Variants in SDK2 observed in about 807,000 individuals in gnomAD.
SDK2 encodes the protein protein sidekick-2.
Under a neutral mutation model 253.9 loss-of-function variants are expected in SDK2, and 105 were observed. That is an observed-to-expected ratio of 0.41 (90% confidence interval 0.35 to 0.49). SDK2 has a LOEUF of 0.49. SDK2 is among the 20% of genes least tolerant of loss of function. The pLI is 0.06. For synonymous variants in SDK2, 1,249 were observed against 1,234.9 expected (o/e 1.01, Z -0.24); for missense variants, 2,608 against 3,003.0 (o/e 0.87, Z 3.07).
rs1568393171 is a variant in SDK2, at chr17:73,417,448, CG to C, written c.2187-1457del. Among the ~76,000 whole-genome samples, 4 of 152,002 alleles carry C rather than the reference CG, an allele frequency of 2.6e-5. No homozygotes were observed. The South Asian group carries it at 8.3e-4, about 32-fold the overall frequency. ...AATAAATTATACATGGATTATCAAC[CG>C]TGAGGGGGTGAGCACCCCTAGCCCC... On this transcript the variant is annotated intron_variant, in intron 16 of 44. Coordinates refer to ENST00000392650, the MANE Select transcript of SDK2 (RefSeq NM_001144952.2).
At chr17:73,613,817 GA>G (rs55670457) in intron 1 of SDK2, among the ~76,000 whole-genome samples, 23,163 of 152,142 alleles carry the variant, frequency 0.15, 1,840 homozygotes, top group South Asian at 0.25. Context: ...GAGCCGTGGA[GA>G]GGGGCCTCTC....
At position 73,447,571 on chromosome 17, in the gene SDK2, T is replaced by G. The variant is rs1383818886; in HGVS notation, c.613+44A>C. Reference sequence around the variant, plus strand: ...CCCCTGGAGCACCATTGCTAAGATTTAATGGCCCGCTCCAAGATCGGTCCC... The same window carrying G: ...CCCCTGGAGCACCATTGCTAAGATTGAATGGCCCGCTCCAAGATCGGTCCC... On this transcript the variant is annotated intron_variant, in intron 5 of 44. Transcript: ENST00000392650. The surrounding 1 kb of genome is among the most constrained non-coding windows in gnomAD (Gnocchi z 4.0). 6 of 1,549,512 alleles carry G rather than the reference T, an allele frequency of 3.9e-6. No individual in the cohort carries two copies. Among genetic ancestry groups the G allele is most frequent in the Non-Finnish European group, 3.5e-6 (4 of 1,145,244 alleles).
At chr17:73,513,875 T>C (rs2064001070) in intron 1 of SDK2, 1 of 152,220 alleles carries the variant, frequency 6.6e-6, no homozygotes, top group Admixed American at 6.5e-5. Context: ...TAGAAGCTTT[T>C]CTTCTTCAAG....
intron 1 of SDK2, among the ~76,000 whole-genome samples, chr17:73,593,985 C>T (rs1348616079): frequency 6.6e-6 from 1 of 152,234 alleles, no homozygotes; most frequent in Admixed American, 6.5e-5. Context: ...CCCCATGTAA[C>T]AGAAGGGAAA....
intron 16 of SDK2, 88 bp from the exon 17 acceptor site, chr17:73,416,080 T>C (rs916088523): frequency 8.0e-7 from 1 of 1,256,322 alleles, no homozygotes; most frequent in Non-Finnish European, 1.1e-6. Context: ...CGCTGTCCAA[T>C]AGGACTTCCG....
chr17:73,391,395 C>G lies in SDK2; in HGVS notation c.3997+45G>C, dbSNP rs754475055. 3.4e-6 allele frequency: 4 copies of G among 1,166,484 alleles called. No individual in the cohort carries two copies. The South Asian group carries it at 1.7e-4, about 48-fold the overall frequency. 72.3% of individuals were successfully genotyped at this position (1,166,484 alleles called of 1,614,324 possible). On this transcript the variant is annotated intron_variant, in intron 28 of 44. Coordinates refer to ENST00000392650, the MANE Select transcript of SDK2 (RefSeq NM_001144952.2). The stretch of plus-strand genomic sequence containing the variant: ...GTGGCCTCCTTTGCAGCTCATGCCT[C>G]TTCCTTCTTCCTGCAGCCGGGGCAC...
Position 73,398,181 on chromosome 17 carries a change from G to A in SDK2, c.3208C>T (p.Arg1070Cys). ...CCCACGATGTTCACCTGGCGCATGC[G>A]GAAGCTGGGGTTGGGGAGAGATGAG... Reference protein sequence around the residue: ...DLNPFTCYSFRMRQVNIVGTS... With the variant: ...DLNPFTCYSFCMRQVNIVGTS... The change falls in exon 24 of 45, where the codon CGC becomes TGC. Residue 1070 changes from arginine to cysteine, a missense_variant. Arg to Cys is a radical substitution (Grantham distance 180). This residue lies in a region of SDK2 where 1,505 missense variants were observed against 1,859.1 expected (regional missense o/e 0.81). Coordinates refer to ENST00000392650, the MANE Select transcript of SDK2 (RefSeq NM_001144952.2). 3.1e-6 allele frequency: 5 copies of A among 1,611,592 alleles called. No homozygotes were observed. The highest frequency in any genetic ancestry group is 1.3e-5 in the African/African-American group (1 of 75,042).
intron 38 of SDK2, among the ~76,000 whole-genome samples, chr17:73,363,605 G>A (rs2062659328): frequency 6.6e-6 from 1 of 152,142 alleles, no homozygotes; most frequent in South Asian, 2.1e-4. Context: ...TGTGGACACT[G>A]GGCTGTCCAG....
intron 18 of SDK2, among the ~76,000 whole-genome samples, chr17:73,405,504 ATATATAT>A (rs2063068128): frequency 4.5e-5 from 4 of 88,794 alleles, no homozygotes; most frequent in South Asian, 4.3e-4. Flanking sequence ...ATATATATAT[ATATATAT>A]ATATATAAAG....
At chr17:73,375,298 G>C (rs1021260264) in intron 36 of SDK2, among the ~76,000 whole-genome samples, 2 of 120,094 alleles carry the variant, frequency 1.7e-5, no homozygotes, top group Admixed American at 1.1e-4. Flanking sequence ...CTGGAGTGCA[G>C]TGGTGCAACA....
chr17:73,563,580 T>TA (rs919291937), intron 1 of SDK2, among the ~76,000 whole-genome samples: 6 of 151,866 alleles, frequency 4.0e-5, no homozygotes, highest in East Asian at 1.9e-4. Context: ...CTCTGTCTCT[T>TA]AAAAAAAAAT....
chr17:73,576,895 GA>G (rs1394392978), intron 1 of SDK2, among the ~76,000 whole-genome samples: 4 of 152,216 alleles, frequency 2.6e-5, no homozygotes, highest in Non-Finnish European at 4.4e-5. Flanking sequence ...GCAATTCTGA[GA>G]ACAAGCCCTG....
intron 1 of SDK2, chr17:73,518,574 C>T (rs917405900): frequency 6.6e-6 from 1 of 152,176 alleles, no homozygotes; most frequent in Non-Finnish European, 1.5e-5. Flanking sequence ...AGACGGTTCT[C>T]ATTTCCAATA....
chr17:73,461,421 C>T (rs1033898537), intron 3 of SDK2, among the ~76,000 whole-genome samples: 24 of 152,228 alleles, frequency 1.6e-4, no homozygotes, highest in African/African-American at 5.3e-4. Context: ...GAATGAGGTT[C>T]TTCAGGAGAG....
At chr17:73,417,425 T>G (rs1455239675) in intron 16 of SDK2, among the ~76,000 whole-genome samples, 1 of 148,416 alleles carries the variant, frequency 6.7e-6, no homozygotes, top group Non-Finnish European at 1.5e-5. Context: ...AAAAAGAAAA[T>G]AAATTATACA....
intron 1 of SDK2, among the ~76,000 whole-genome samples, chr17:73,574,478 C>T (rs1014139020): frequency 1.3e-5 from 2 of 152,178 alleles, no homozygotes; most frequent in African/African-American, 2.4e-5. Context: ...GCTGATCAGC[C>T]TTATTAGTTT....
chr17:73,581,292 G>A (rs887627209), intron 1 of SDK2, among the ~76,000 whole-genome samples: 11 of 152,176 alleles, frequency 7.2e-5, no homozygotes. Context: ...ACTGGGCCCT[G>A]CAAACTAGGT....
At chr17:73,348,556 T>C in intron 44 of SDK2, 43 bp downstream of exon 44, 1 of 1,602,038 alleles carries the variant, frequency 6.2e-7, no homozygotes, top group Non-Finnish European at 8.5e-7. Flanking sequence ...TGGGAGGCGC[T>C]GCTCCCTGCC....
Position 73,358,215 on chromosome 17 carries a change from C to A in SDK2, c.5468-11G>T. The A allele has an allele frequency of 6.3e-7, 1 of 1,592,152 alleles. No homozygotes were observed. Among genetic ancestry groups the A allele is most frequent in the Non-Finnish European group, 8.5e-7 (1 of 1,173,932 alleles). On this transcript the variant is annotated splice_polypyrimidine_tract_variant and intron_variant, in intron 39 of 44. Transcript: ENST00000392650. ...GCGGTCCTGGGGCACCTGCAGACAG[C>A]ACACAGAGGCGAGGGATGTATGGAA...
Sources: allele counts gnomAD v4.1 joint callset (sites outside exome capture counted in the v4.1 genomes callset), GRCh38; gene constraint gnomAD v4.1.1; regional missense constraint gnomAD v4.1.1; non-coding constraint Gnocchi (gnomAD v3.1); transcripts MANE v1.5; gene names NCBI Gene and HGNC (gene_info 2026-07-23, HGNC 2026-07-21).